OSBPL10: variants seen among roughly 807,000 people sequenced by gnomAD.
The protein encoded by OSBPL10 is oxysterol-binding protein-related protein 10.
OSBPL10 carries 49 observed loss-of-function variants against 81.7 expected under a neutral mutation model. That is an observed-to-expected ratio of 0.60 (90% confidence interval 0.48 to 0.76). The LOEUF (loss-of-function observed/expected upper bound fraction) is 0.76, where lower values mean the gene tolerates loss of function less well. Among genes scored for constraint, OSBPL10 ranks in the 30% least tolerant of loss-of-function variants. The pLI, the probability that OSBPL10 is intolerant of heterozygous loss-of-function variation, is 0.00. For synonymous variants in OSBPL10, 419 were observed against 383.6 expected, an observed-to-expected ratio of 1.09 and a Z score of -1.08; for missense variants, 923 against 987.8, an observed-to-expected ratio of 0.93 and a Z score of 0.88.
At chr3:31,948,327 G>A in intron 1 of OSBPL10, among the ~76,000 whole-genome samples, 1 of 152,106 alleles carries the variant, frequency 6.6e-6, no homozygotes, top group East Asian at 1.9e-4. Flanking sequence ...AAACCATCCA[G>A]GAAGTTAAAA....
intron 1 of OSBPL10, among the ~76,000 whole-genome samples, chr3:31,915,977 T>G (rs1211009457): frequency 6.6e-6 from 1 of 150,776 alleles, no homozygotes; most frequent in Non-Finnish European, 1.5e-5. Context: ...GAGCCTGTAA[T>G]CCCAGCTACT....
chr3:31,891,360 G>A (rs894350643), intron 1 of OSBPL10, among the ~76,000 whole-genome samples: 20 of 152,184 alleles, frequency 1.3e-4, no homozygotes, highest in Admixed American at 1.1e-3. Context: ...CCCAGGTGAT[G>A]CTGATGCTGC....
At chr3:31,813,483 G>A (rs932809502) in intron 4 of OSBPL10, among the ~76,000 whole-genome samples, 1 of 152,190 alleles carries the variant, frequency 6.6e-6, no homozygotes, top group South Asian at 2.1e-4. Context: ...ACACATAGGA[G>A]AAAGTGTTCA....
At chr3:31,726,815 T>C (rs1367601232) in intron 6 of OSBPL10, among the ~76,000 whole-genome samples, 2 of 151,048 alleles carry the variant, frequency 1.3e-5, no homozygotes, top group African/African-American at 2.5e-5. Flanking sequence ...ACTCCCAGAA[T>C]TCTTTTGTGC....
chr3:32,010,588 G>C (rs1699244721), intron 2 of OSBPL10, among the ~76,000 whole-genome samples: 1 of 152,304 alleles, frequency 6.6e-6, no homozygotes, highest in African/African-American at 2.4e-5. Context: ...TTGTCGGACA[G>C]TGGGTGCAGA....
intron 3 of OSBPL10, among the ~76,000 whole-genome samples, chr3:31,859,091 G>T (rs147111059): frequency 6.6e-6 from 1 of 152,292 alleles, no homozygotes; most frequent in Non-Finnish European, 1.5e-5. Context: ...GACATTACTC[G>T]TTTACTGAGT....
At chr3:31,712,502 C>T (rs973121667) in intron 6 of OSBPL10, among the ~76,000 whole-genome samples, 4 of 152,178 alleles carry the variant, frequency 2.6e-5, no homozygotes, top group Admixed American at 6.5e-5. Context: ...ACGCTGTGGA[C>T]AGGAAGAGGA....
chr3:31,849,320 G>A (rs552571155), intron 3 of OSBPL10, among the ~76,000 whole-genome samples: 3 of 152,280 alleles, frequency 2.0e-5, no homozygotes, highest in Admixed American at 6.5e-5. Flanking sequence ...AATATAGACA[G>A]TATGGGCAAT....
intron 2 of OSBPL10, chr3:31,988,927 G>A (rs550108320): frequency 3.3e-5 from 33 of 1,014,592 alleles, no homozygotes; most frequent in Middle Eastern, 3.3e-4. Flanking sequence ...TCCAAACCCC[G>A]ACCCACAGCG....
chr3:31,805,183 G>T (rs1699490633), intron 4 of OSBPL10, among the ~76,000 whole-genome samples: 1 of 152,108 alleles, frequency 6.6e-6, no homozygotes, highest in African/African-American at 2.4e-5. Context: ...AGGTATTTCT[G>T]ACTCCTCCTT....
In OSBPL10 at chr3:31,809,869, C is replaced by CTTTTTTTTTTT. The variant is rs34795137; in HGVS notation, c.729+20160_729+20170dup. Among the ~76,000 whole-genome samples, 511 of 98,528 alleles carry CTTTTTTTTTTT rather than the reference C, an allele frequency of 5.2e-3. 19 individuals are homozygous for CTTTTTTTTTTT. The highest frequency in any genetic ancestry group is 0.015 in the African/African-American group (282 of 18,382). The allele number at this position is 98,528 out of a possible 152,430, so 64.6% of individuals were successfully genotyped here. ...AAATGTCAATGGGTGCCCCCTGACT[C>CTTTTTTTTTTT]TTTTTTTTTTTTTTTTTTTGAGATG... On this transcript the variant is annotated intron_variant, in intron 4 of 11. Transcript: ENST00000396556.
At chr3:31,784,803 GA>G (rs1698819691) in intron 4 of OSBPL10, among the ~76,000 whole-genome samples, 1 of 139,352 alleles carries the variant, frequency 7.2e-6, no homozygotes, top group Admixed American at 8.2e-5. Flanking sequence ...GGCTGGTCCT[GA>G]ACTCCTAGCC....
rs531405781 is a variant in OSBPL10 at position 31,961,933 on chromosome 3, T to G, written c.281+18966A>C. Among the ~76,000 whole-genome samples the G allele has an allele frequency of 4.0e-5, 6 of 151,762 alleles. No homozygotes were observed. In the South Asian group the frequency reaches 1.3e-3, roughly 32 times the overall value. ...TTTTTTTTTTTTTAAGAGTTTTTTTTGGCAGAGGGGAGGGTTGCTTTTTTT... is the reference window on the plus strand; with the variant it reads ...TTTTTTTTTTTTTAAGAGTTTTTTTGGGCAGAGGGGAGGGTTGCTTTTTTT... On this transcript the variant is annotated intron_variant, in intron 1 of 11. Transcript: ENST00000396556.
At chr3:31,663,219 A>T (rs1287130818) in intron 11 of OSBPL10, 2 of 984,864 alleles carry the variant, frequency 2.0e-6, no homozygotes, top group Non-Finnish European at 2.4e-6. Flanking sequence ...TGGTATTTAA[A>T]TTTTTTTAAA....
At chr3:31,912,196 C>T (rs1055362900) in intron 1 of OSBPL10, among the ~76,000 whole-genome samples, 1 of 151,924 alleles carries the variant, frequency 6.6e-6, no homozygotes, top group Non-Finnish European at 1.5e-5. Context: ...GAGTTTGAGA[C>T]CAGCCTGGCT....
At chr3:31,760,568 T>C (rs893362365) in intron 4 of OSBPL10, among the ~76,000 whole-genome samples, 2 of 152,234 alleles carry the variant, frequency 1.3e-5, no homozygotes, top group South Asian at 2.1e-4. Flanking sequence ...AAAAAGTTTG[T>C]ACATGTTCAA....
chr3:31,719,760 A>G (rs1489378345), intron 6 of OSBPL10, among the ~76,000 whole-genome samples: 7 of 152,100 alleles, frequency 4.6e-5, no homozygotes, highest in Admixed American at 4.6e-4. Context: ...AAGTGTACAT[A>G]ATATATGTAG....
intron 1 of OSBPL10, among the ~76,000 whole-genome samples, chr3:32,054,678 C>T (rs988505140): frequency 4.0e-5 from 6 of 151,732 alleles, no homozygotes; most frequent in South Asian, 2.1e-4. Flanking sequence ...ATTACGGGGG[C>T]GGGCCACTAC....
At chr3:31,852,527 T>TC (rs1700795717) in intron 3 of OSBPL10, among the ~76,000 whole-genome samples, 1 of 152,302 alleles carries the variant, frequency 6.6e-6, no homozygotes, top group South Asian at 2.1e-4. Flanking sequence ...AACACATTTT[T>TC]GTGACATTTG....
Sources: allele counts gnomAD v4.1 joint callset (sites outside exome capture counted in the v4.1 genomes callset), GRCh38; gene constraint gnomAD v4.1.1; transcripts MANE v1.5; gene names NCBI Gene and HGNC (gene_info 2026-07-23, HGNC 2026-07-21).